The following CD300LG variants were observed in gnomAD, a reference collection of about 807,000 sequenced individuals.
CD300LG encodes the protein CD300 molecule like family member g.
CD300LG carries 29 observed loss-of-function variants against 31.5 expected under a neutral mutation model. That is an observed-to-expected ratio of 0.92 (90% confidence interval 0.68 to 1.25). The LOEUF is 1.25. Among genes scored for constraint, CD300LG ranks in the 50% most tolerant of loss-of-function variants. The probability of loss-of-function intolerance (pLI) is 0.00; values close to 1 mark genes in which losing one functional copy is unlikely to be tolerated. For synonymous variants in CD300LG, 175 were observed against 177.2 expected, an observed-to-expected ratio of 0.99 and a Z score of 0.10; for missense variants, 396 against 417.6, an observed-to-expected ratio of 0.95 and a Z score of 0.45.
intron 5 of CD300LG, among the ~76,000 whole-genome samples, chr17:43,856,281 G>A (rs990032532): frequency 1.3e-5 from 2 of 152,166 alleles, no homozygotes; most frequent in African/African-American, 4.8e-5. Flanking sequence ...AGTGCCTGAT[G>A]GCCATGTGCA....
chr17:43,849,828 C>T (rs1214138546), intron 2 of CD300LG: 1 of 152,196 alleles, frequency 6.6e-6, no homozygotes, highest in African/African-American at 2.4e-5. Flanking sequence ...CCATCCCTAC[C>T]ACCATAGCCC....
At chr17:43,853,420 G>A (rs1405885037) in intron 3 of CD300LG, among the ~76,000 whole-genome samples, 2 of 152,158 alleles carry the variant, frequency 1.3e-5, no homozygotes, top group African/African-American at 2.4e-5. Flanking sequence ...GGTGGTGAGG[G>A]GAGGACCTGC....
At chr17:43,855,182 T>G (rs1221179103) in intron 4 of CD300LG, 25 bp from the exon 5 acceptor site, 3 of 1,537,076 alleles carry the variant, frequency 2.0e-6, no homozygotes, top group East Asian at 4.6e-5. Context: ...TAACAGCCAC[T>G]AGGCTCCTTG....
intron 4 of CD300LG, 43 bp from the exon 5 acceptor site, chr17:43,855,163 CT>C (rs1248018644): frequency 1.5e-5 from 21 of 1,393,268 alleles, no homozygotes; most frequent in Non-Finnish European, 2.0e-5. Context: ...TAGACTCTGG[CT>C]TATCTGGTAA....
chr17:43,855,156 A>G, intron 4 of CD300LG, 51 bp from the exon 5 acceptor site: 1 of 1,289,962 alleles, frequency 7.8e-7, no homozygotes, highest in African/African-American at 1.5e-5. Flanking sequence ...AAGGACATAG[A>G]CTCTGGCTTA....
At chr17:43,860,469 G>A (rs1280131638) in intron 6 of CD300LG, among the ~76,000 whole-genome samples, 2 of 152,250 alleles carry the variant, frequency 1.3e-5, no homozygotes, top group Non-Finnish European at 2.9e-5. Flanking sequence ...TCTTGGCTGG[G>A]GAGCTTGGCC....
In CD300LG at chr17:43,856,716, G is replaced by A. The variant is rs145844231; in HGVS notation, c.833-388G>A. Among the ~76,000 whole-genome samples, 195 of 152,302 alleles carry A rather than the reference G, an allele frequency of 1.3e-3. 2 individuals carry two copies. Among genetic ancestry groups the A allele is most frequent in the African/African-American group, 4.5e-3 (189 of 41,568 alleles). Reference sequence around the variant, plus strand: ...CAAACTTTGATTGCCAGCTAGCAGCGGTGGCAACCCTTGGTAGCCTGTTAG... The same window carrying A: ...CAAACTTTGATTGCCAGCTAGCAGCAGTGGCAACCCTTGGTAGCCTGTTAG... On this transcript the variant is annotated intron_variant, in intron 5 of 6. Coordinates refer to ENST00000317310, the MANE Select transcript of CD300LG (RefSeq NM_145273.4).
At chr17:43,859,560 A>G (rs2046611645) in intron 6 of CD300LG, among the ~76,000 whole-genome samples, 1 of 152,184 alleles carries the variant, frequency 6.6e-6, no homozygotes, top group Admixed American at 6.5e-5. Flanking sequence ...ACCCTGGAAC[A>G]GGTGACACTT....
intron 6 of CD300LG, among the ~76,000 whole-genome samples, chr17:43,859,054 G>T (rs376762527): frequency 6.6e-6 from 1 of 152,180 alleles, no homozygotes; most frequent in African/African-American, 2.4e-5. Flanking sequence ...AAGGGAAATT[G>T]CCCAGTGACC....
At chr17:43,848,521 C>A (rs1387157938) in intron 1 of CD300LG, 37 bp from the exon 2 acceptor site, 1 of 1,546,050 alleles carries the variant, frequency 6.5e-7, no homozygotes, top group Non-Finnish European at 8.9e-7. Context: ...TACATGGAGC[C>A]TGGTTTTTCC....
chr17:43,857,009 GT>G, intron 5 of CD300LG, 94 bp from the exon 6 acceptor site: 1 of 1,270,036 alleles, frequency 7.9e-7, no homozygotes. Flanking sequence ...CTGCTCCCGT[GT>G]GCAAGGGGGC....
chr17:43,847,766 C>T (rs1297992446), intron 1 of CD300LG, among the ~76,000 whole-genome samples: 1 of 151,938 alleles, frequency 6.6e-6, no homozygotes, highest in Non-Finnish European at 1.5e-5. Context: ...AGTGAGACCC[C>T]ATCTCTACAA....
At position 43,857,562 on chromosome 17, in the gene CD300LG, G is replaced by A. The variant is rs2046560996; in HGVS notation, c.885+406G>A. The A allele has an allele frequency of 2.5e-5, 33 of 1,340,564 alleles. 1 individual carries two copies. The East Asian group carries it at 8.3e-4, about 34-fold the overall frequency. The allele number at this position is 1,340,564 out of a possible 1,614,324, so 83.0% of individuals were successfully genotyped here. On this transcript the variant is annotated intron_variant, in intron 6 of 6. Transcript: ENST00000317310. ...GCAAATCGCCTTTCAGAACGCCCAG[G>A]GGTCAGGGAGCTGTTAGAGATGCAC...
At chr17:43,855,957 T>C (rs1198705106) in intron 5 of CD300LG, among the ~76,000 whole-genome samples, 1 of 152,260 alleles carries the variant, frequency 6.6e-6, no homozygotes, top group Non-Finnish European at 1.5e-5. Flanking sequence ...TACTTATTTT[T>C]TAGACATAGG....
rs202105488 is a variant in CD300LG, at chr17:43,863,397, G to GA, written c.*1493dup. 13 of 152,062 alleles carry GA rather than the reference G, an allele frequency of 8.5e-5. No individual in the cohort carries two copies. Among genetic ancestry groups the GA allele is most frequent in the African/African-American group, 3.1e-4 (13 of 41,420 alleles). The allele number at this position is 152,062 out of a possible 1,614,324, so 9.4% of individuals were successfully genotyped here. On this transcript the variant is annotated 3_prime_UTR_variant, in exon 7 of 7. Coordinates refer to ENST00000317310, the MANE Select transcript of CD300LG (RefSeq NM_145273.4). ...AGATGGAGGAGAAAAAGAAAAGGAAGAAAAAAATGTCACCCATAGTCTCAC... is the reference window on the plus strand; with the variant it reads ...AGATGGAGGAGAAAAAGAAAAGGAAGAAAAAAAATGTCACCCATAGTCTCAC...
chr17:43,861,763 G>A (rs1185928653), intron 6 of CD300LG, 35 bp from the exon 7 acceptor site: 2 of 1,442,450 alleles, frequency 1.4e-6, no homozygotes, highest in Non-Finnish European at 1.9e-6. Context: ...CTTCATCTGG[G>A]TTCTGCTCTC....
At position 43,863,452 on chromosome 17, in the gene CD300LG, A is replaced by G. The variant is rs2143434782; in HGVS notation, c.*1541A>G. On this transcript the variant is annotated 3_prime_UTR_variant, in exon 7 of 7. Coordinates refer to ENST00000317310, the MANE Select transcript of CD300LG (RefSeq NM_145273.4). ...GACTATCATTATTTCGTTTTGTTGT[A>G]CTTCCTTCCACTCTTTTCTTCTTCA... 6.6e-6 allele frequency: 1 copy of G among 152,200 alleles called. No homozygotes were observed. Among genetic ancestry groups the G allele is most frequent in the South Asian group, 2.1e-4 (1 of 4,818 alleles). The allele number at this position is 152,200 out of a possible 1,614,324, so 9.4% of individuals were successfully genotyped here. A position where few individuals can be genotyped will look rare whatever the true frequency, so the allele number is the denominator to read the frequency against.
chr17:43,858,041 C>T, intron 6 of CD300LG: 1 of 1,441,010 alleles, frequency 6.9e-7, no homozygotes, highest in Non-Finnish European at 9.1e-7. Flanking sequence ...CCTCCTGGCC[C>T]CTCCTCCCTC....
At chr17:43,858,085 T>G in intron 6 of CD300LG, 2 of 1,402,904 alleles carry the variant, frequency 1.4e-6, no homozygotes, top group Non-Finnish European at 1.9e-6. Context: ...CTCCATTCCT[T>G]TAAACACAAG....
Sources: allele counts gnomAD v4.1 joint callset (sites outside exome capture counted in the v4.1 genomes callset), GRCh38; gene constraint gnomAD v4.1.1; transcripts MANE v1.5; gene names NCBI Gene and HGNC (gene_info 2026-07-23, HGNC 2026-07-21).